NIBAN1: variants seen among roughly 807,000 people sequenced by gnomAD.
The protein encoded by NIBAN1 is protein Niban 1.
Under a neutral mutation model 75.1 loss-of-function variants are expected in NIBAN1, and 81 were observed. The observed-to-expected ratio is 1.08, with a 90% CI of 0.90 to 1.30. The LOEUF (loss-of-function observed/expected upper bound fraction) is 1.30, where lower values mean the gene tolerates loss of function less well. Ranked by LOEUF, NIBAN1 falls within the 50% of genes most tolerant of loss-of-function variation. The pLI is 0.00. For synonymous variants in NIBAN1, 436 were observed against 424.8 expected, an observed-to-expected ratio of 1.03 and a Z score of -0.32; for missense variants, 1,133 against 1,128.1, an observed-to-expected ratio of 1.00 and a Z score of -0.06.
chr1:184,959,276 G>A (rs1427067944), intron 1 of NIBAN1, among the ~76,000 whole-genome samples: 2 of 152,210 alleles, frequency 1.3e-5, no homozygotes, highest in Non-Finnish European at 2.9e-5. Context: ...TAGCAGGGCA[G>A]TACAGCTACA....
At chr1:184,823,764 A>G in intron 6 of NIBAN1, 22 bp from the exon 7 acceptor site, 1 of 1,607,890 alleles carries the variant, frequency 6.2e-7, no homozygotes, top group Non-Finnish European at 8.5e-7. Flanking sequence ...AAGACAGCCC[A>G]GAGTCGGTCA....
At chr1:184,970,797 G>C (rs757675026) in intron 1 of NIBAN1, among the ~76,000 whole-genome samples, 9 of 152,132 alleles carry the variant, frequency 5.9e-5, no homozygotes, top group Non-Finnish European at 1.3e-4. Context: ...GTACTTTTCT[G>C]ACCCTCCACA....
chr1:184,810,128 C>A (rs751692604), intron 9 of NIBAN1, among the ~76,000 whole-genome samples: 28 of 151,990 alleles, frequency 1.8e-4, no homozygotes, highest in Non-Finnish European at 3.8e-4. Context: ...TGTTAATGCA[C>A]AATTATATAT....
At chr1:184,832,822 C>T (rs1655034849) in intron 5 of NIBAN1, among the ~76,000 whole-genome samples, 1 of 152,106 alleles carries the variant, frequency 6.6e-6, no homozygotes, top group Non-Finnish European at 1.5e-5. Flanking sequence ...GGCTGAACGG[C>T]CTTCTCAGAG....
At chr1:184,872,714 A>G (rs1173795642) in intron 5 of NIBAN1, among the ~76,000 whole-genome samples, 5 of 99,150 alleles carry the variant, frequency 5.0e-5, no homozygotes, top group Non-Finnish European at 1.1e-4. Flanking sequence ...TATCAAATTA[A>G]AAAAAAAAAA....
intron 9 of NIBAN1, among the ~76,000 whole-genome samples, chr1:184,816,769 CCATATAAGTA>C (rs1195447472): frequency 6.6e-6 from 1 of 151,684 alleles, no homozygotes; most frequent in Non-Finnish European, 1.5e-5. Context: ...GGTTTCAAAA[CCATATAAGTA>C]CATTTACAAT....
chr1:184,920,494 C>T (rs1571574541), intron 1 of NIBAN1, among the ~76,000 whole-genome samples: 2 of 152,252 alleles, frequency 1.3e-5, no homozygotes, highest in East Asian at 1.9e-4. Flanking sequence ...TTTATTCTTC[C>T]TGGTTATAAT....
intron 5 of NIBAN1, among the ~76,000 whole-genome samples, chr1:184,864,686 C>T (rs1655903451): frequency 6.6e-6 from 1 of 151,946 alleles, no homozygotes; most frequent in Admixed American, 6.6e-5. Flanking sequence ...TATTCACAAA[C>T]TAGACATCTA....
chr1:184,841,738 T>A (rs1388313626), intron 5 of NIBAN1, among the ~76,000 whole-genome samples: 1 of 152,176 alleles, frequency 6.6e-6, no homozygotes, highest in Non-Finnish European at 1.5e-5. Flanking sequence ...TAAAGTCAAA[T>A]AGGCTCCAAC....
At chr1:184,968,982 C>A (rs1658868476) in intron 1 of NIBAN1, among the ~76,000 whole-genome samples, 1 of 152,162 alleles carries the variant, frequency 6.6e-6, no homozygotes, top group Non-Finnish European at 1.5e-5. Flanking sequence ...TACAATCCAG[C>A]CAGCAGTGTG....
At chr1:184,907,353 T>C (rs1657132100) in intron 1 of NIBAN1, among the ~76,000 whole-genome samples, 1 of 152,186 alleles carries the variant, frequency 6.6e-6, no homozygotes, top group African/African-American at 2.4e-5. Flanking sequence ...AATCCACATA[T>C]GAGAAGATTA....
chr1:184,866,166 C>A (rs1427701488), intron 5 of NIBAN1, among the ~76,000 whole-genome samples: 2 of 152,000 alleles, frequency 1.3e-5, no homozygotes, highest in Non-Finnish European at 2.9e-5. Context: ...TTTTAGGAGT[C>A]AGATAAATAA....
rs1409302843 is a variant in NIBAN1 at position 184,794,634 on chromosome 1, G to A, written c.*343C>T. 2.6e-6 allele frequency: 1 copy of A among 382,020 alleles called. No homozygotes were observed. The highest frequency in any genetic ancestry group is 6.5e-5 in the East Asian group (1 of 15,448). The allele number at this position is 382,020 out of a possible 1,614,324, so 23.7% of individuals were successfully genotyped here. The stretch of plus-strand genomic sequence containing the variant: ...AAGTGCACAAGAAGATTGCACAATT[G>A]AAAAGTGCAGAGTATACTCAAAACT... On this transcript the variant is annotated 3_prime_UTR_variant, in exon 14 of 14. Coordinates refer to ENST00000367511, the MANE Select transcript of NIBAN1 (RefSeq NM_052966.4).
At chr1:184,812,845 T>G (rs947689240) in intron 9 of NIBAN1, among the ~76,000 whole-genome samples, 1 of 152,238 alleles carries the variant, frequency 6.6e-6, no homozygotes, top group African/African-American at 2.4e-5. Context: ...TTCTTTCTGG[T>G]TGAATATCTG....
chr1:184,835,507 C>G (rs1056252306), intron 5 of NIBAN1, among the ~76,000 whole-genome samples: 7 of 152,200 alleles, frequency 4.6e-5, no homozygotes, highest in Non-Finnish European at 1.0e-4. Context: ...TTTGTGTCCT[C>G]TTTTATTTCA....
rs551342577 is a variant in NIBAN1, at chr1:184,974,433, G to T, written c.-77C>A. ...GCTAGCTCCTGGAGGTTGATCCGAC[G>T]GCGAACCCGGCTCTGAAATTAAGAG... On this transcript the variant is annotated 5_prime_UTR_variant, in exon 1 of 14. Transcript: ENST00000367511. 6.7e-6 allele frequency: 10 copies of T among 1,486,302 alleles called. No individual in the cohort carries two copies. Among genetic ancestry groups the T allele is most frequent in the Admixed American group, 2.2e-5 (1 of 46,018 alleles). The allele number at this position is 1,486,302 out of a possible 1,614,324, so 92.1% of individuals were successfully genotyped here. A position where few individuals can be genotyped will look rare whatever the true frequency, so the allele number is the denominator to read the frequency against.
chr1:184,884,814 G>A lies in NIBAN1; in HGVS notation c.434-14C>T, dbSNP rs760996718. ...TCTCACTGGAGGCTAAAGAAATATT[G>A]AAAACACAAATACCTTTTAAAACAT... On this transcript the variant is annotated splice_polypyrimidine_tract_variant and intron_variant, in intron 4 of 13. Coordinates refer to ENST00000367511, the MANE Select transcript of NIBAN1 (RefSeq NM_052966.4). 9.9e-6 allele frequency: 16 copies of A among 1,612,086 alleles called. 1 individual carries two copies. The highest frequency in any genetic ancestry group is 1.3e-5 in the Non-Finnish European group (15 of 1,179,160).
intron 2 of NIBAN1, among the ~76,000 whole-genome samples, chr1:184,894,557 G>C (rs1373342536): frequency 6.6e-6 from 1 of 152,236 alleles, no homozygotes; most frequent in Non-Finnish European, 1.5e-5. Flanking sequence ...AGTGAGGCAG[G>C]AAAGTGTAAG....
At chr1:184,972,104 T>C (rs979264997) in intron 1 of NIBAN1, among the ~76,000 whole-genome samples, 2 of 152,212 alleles carry the variant, frequency 1.3e-5, no homozygotes, top group Non-Finnish European at 2.9e-5. Flanking sequence ...CAAAAGTCAC[T>C]CAAAATATAT....
Sources: allele counts gnomAD v4.1 joint callset (sites outside exome capture counted in the v4.1 genomes callset), GRCh38; gene constraint gnomAD v4.1.1; transcripts MANE v1.5; gene names NCBI Gene and HGNC (gene_info 2026-07-23, HGNC 2026-07-21).